LDB2: variants seen among roughly 807,000 people sequenced by gnomAD.
LDB2 encodes LIM domain binding 2, also known as LIM domain-binding protein 2.
A neutral mutation model predicts 44.3 loss-of-function variants in LDB2; 12 were observed. The ratio of observed to expected loss-of-function variants is 0.27; its 90% CI spans 0.17 to 0.44. LDB2 has a LOEUF of 0.44. Among genes scored for constraint, LDB2 ranks in the 20% least tolerant of loss-of-function variants. The probability of loss-of-function intolerance (pLI) is 1.00; values close to 1 mark genes in which losing one functional copy is unlikely to be tolerated. For missense variants in LDB2, 344 were observed against 473.5 expected, an observed-to-expected ratio of 0.73 and a Z score of 2.54; for synonymous variants, 164 against 174.8, an observed-to-expected ratio of 0.94 and a Z score of 0.49.
At chr4:16,767,174 C>A (rs768289447) in intron 1 of LDB2, among the ~76,000 whole-genome samples, 5 of 152,088 alleles carry the variant, frequency 3.3e-5, no homozygotes, top group African/African-American at 4.8e-5. Context: ...CAAGTGGGTT[C>A]TAGTAGCAAG....
intron 4 of LDB2, among the ~76,000 whole-genome samples, chr4:16,587,985 C>G (rs951355838): frequency 3.9e-5 from 6 of 152,026 alleles, no homozygotes; most frequent in Admixed American, 1.3e-4. Flanking sequence ...TAAAATTAGG[C>G]TTATGAAGTT....
At chr4:16,564,288 G>C (rs1041695528) in intron 5 of LDB2, among the ~76,000 whole-genome samples, 3 of 152,276 alleles carry the variant, frequency 2.0e-5, no homozygotes, top group Non-Finnish European at 4.4e-5. Flanking sequence ...TTGAACCTGG[G>C]AGGTGGAGGT....
intron 2 of LDB2, among the ~76,000 whole-genome samples, chr4:16,695,078 T>C (rs1043157060): frequency 6.6e-6 from 1 of 152,194 alleles, no homozygotes; most frequent in Non-Finnish European, 1.5e-5. Context: ...TCCCCTAGCA[T>C]GGACTTGTAA....
chr4:16,737,801 C>G (rs1490078932), intron 2 of LDB2, among the ~76,000 whole-genome samples: 1 of 152,130 alleles, frequency 6.6e-6, no homozygotes, highest in Non-Finnish European at 1.5e-5. Flanking sequence ...CTGAACTATG[C>G]AATTATGGAT....
At chr4:16,512,893 T>C (rs1370646328) in intron 5 of LDB2, among the ~76,000 whole-genome samples, 1 of 152,230 alleles carries the variant, frequency 6.6e-6, no homozygotes, top group African/African-American at 2.4e-5. Flanking sequence ...AGGATTGCCT[T>C]GGACTTTTCC....
chr4:16,569,724 C>T (rs966858597), intron 5 of LDB2, among the ~76,000 whole-genome samples: 2 of 152,136 alleles, frequency 1.3e-5, no homozygotes, highest in Non-Finnish European at 2.9e-5. Context: ...TCCTCATTTG[C>T]AGCATGGTAT....
intron 2 of LDB2, among the ~76,000 whole-genome samples, chr4:16,710,037 T>G (rs1004919656): frequency 1.3e-5 from 2 of 152,198 alleles, no homozygotes; most frequent in Admixed American, 1.3e-4. Context: ...CTTAAATCCT[T>G]TGGCACATAC....
chr4:16,646,156 T>G (rs1736743541), intron 2 of LDB2, among the ~76,000 whole-genome samples: 1 of 152,242 alleles, frequency 6.6e-6, no homozygotes, highest in Admixed American at 6.5e-5. Flanking sequence ...CTTCACCCTT[T>G]CATTAAAGCA....
chr4:16,543,843 A>G (rs1231376662), intron 5 of LDB2, among the ~76,000 whole-genome samples: 2 of 152,210 alleles, frequency 1.3e-5, no homozygotes, highest in African/African-American at 4.8e-5. Flanking sequence ...AGAATGGGAG[A>G]AAATTTTTAC....
chr4:16,886,851 T>C (rs1439956286), intron 1 of LDB2, among the ~76,000 whole-genome samples: 4 of 151,124 alleles, frequency 2.6e-5, no homozygotes, highest in Non-Finnish European at 5.9e-5. Flanking sequence ...GCTAACACGG[T>C]GAAATCCCGT....
chr4:16,867,982 A>G (rs943477927), intron 1 of LDB2, among the ~76,000 whole-genome samples: 1 of 152,192 alleles, frequency 6.6e-6, no homozygotes, highest in African/African-American at 2.4e-5. Flanking sequence ...ATCCCTGATA[A>G]AGTCCAGACC....
At chr4:16,864,319 A>G (rs1176023262) in intron 1 of LDB2, among the ~76,000 whole-genome samples, 2 of 152,190 alleles carry the variant, frequency 1.3e-5, no homozygotes, top group Admixed American at 1.3e-4. Flanking sequence ...CACAGGGAAA[A>G]ATCAAAGAGT....
chr4:16,886,076 T>C (rs898899751), intron 1 of LDB2, among the ~76,000 whole-genome samples: 1 of 151,760 alleles, frequency 6.6e-6, no homozygotes, highest in African/African-American at 2.4e-5. Context: ...TAAATTAGTC[T>C]AGTGCAGTGT....
intron 3 of LDB2, among the ~76,000 whole-genome samples, chr4:16,594,470 G>A (rs1436179016): frequency 6.6e-6 from 1 of 152,086 alleles, no homozygotes; most frequent in East Asian, 1.9e-4. Flanking sequence ...GTTAGAACAG[G>A]AAGAAAGAAA....
In LDB2 at chr4:16,841,027, A is replaced by AACCCAAGTTTCATGAGATAG. The variant is rs558767021; in HGVS notation, c.132+57326_132+57327insCTATCTCATGAAACTTGGGT. 2.1e-3 allele frequency among the ~76,000 whole-genome samples: 313 copies of AACCCAAGTTTCATGAGATAG among 152,308 alleles called. 5 individuals are homozygous for AACCCAAGTTTCATGAGATAG. The East Asian group carries it at 0.037, about 18-fold the overall frequency. On this transcript the variant is annotated intron_variant, in intron 1 of 7. Transcript: ENST00000304523. ...TCCCCCGTCTCTGCATGCACATTCA[A>AACCCAAGTTTCATGAGATAG]ACCGCATCTCATGCAAACTCATAAC...
At chr4:16,561,989 A>G (rs1172402742) in intron 5 of LDB2, among the ~76,000 whole-genome samples, 2 of 152,220 alleles carry the variant, frequency 1.3e-5, no homozygotes, top group African/African-American at 4.8e-5. Flanking sequence ...TATTTAATAA[A>G]TGGTGCTGGG....
chr4:16,666,741 C>T (rs1578612298), intron 2 of LDB2, among the ~76,000 whole-genome samples: 3 of 152,182 alleles, frequency 2.0e-5, no homozygotes. Context: ...TGAAGAGAAT[C>T]GTGGTATTTG....
chr4:16,685,121 G>C (rs1336644290), intron 2 of LDB2, among the ~76,000 whole-genome samples: 1 of 152,128 alleles, frequency 6.6e-6, no homozygotes, highest in Non-Finnish European at 1.5e-5. Flanking sequence ...ATGTCTTTCA[G>C]GTTTATTTAG....
intron 2 of LDB2, among the ~76,000 whole-genome samples, chr4:16,710,163 T>C (rs546495196): frequency 6.6e-6 from 1 of 152,210 alleles, no homozygotes; most frequent in East Asian, 1.9e-4. Context: ...AGAAGAATAG[T>C]TTTTAAAAAT....
Sources: allele counts gnomAD v4.1 joint callset (sites outside exome capture counted in the v4.1 genomes callset), GRCh38; gene constraint gnomAD v4.1.1; transcripts MANE v1.5; gene names NCBI Gene and HGNC (gene_info 2026-07-23, HGNC 2026-07-21).